The following SNTG1 variants were observed in gnomAD, a reference collection of about 807,000 sequenced individuals.
The protein encoded by SNTG1 is syntrophin gamma 1.
In SNTG1, 39 loss-of-function variants were observed where a neutral mutation model predicts 74.7. That is an observed-to-expected ratio of 0.52 (90% confidence interval 0.40 to 0.68). The LOEUF (loss-of-function observed/expected upper bound fraction) is 0.68. Ranked by LOEUF, SNTG1 falls within the 30% of genes least tolerant of loss-of-function variation. The pLI is 0.00. For missense variants in SNTG1, 685 were observed against 609.5 expected, an observed-to-expected ratio of 1.12 and a Z score of -1.30; for synonymous variants, 254 against 217.1, an observed-to-expected ratio of 1.17 and a Z score of -1.49.
chr8:50,264,906 A>G (rs2087385979), intron 2 of SNTG1, among the ~76,000 whole-genome samples: 1 of 152,066 alleles, frequency 6.6e-6, no homozygotes, highest in African/African-American at 2.4e-5. Flanking sequence ...ATTACCAGAA[A>G]GAAAAATATA....
chr8:50,665,776 A>G (rs2095247999), intron 15 of SNTG1, among the ~76,000 whole-genome samples: 1 of 152,194 alleles, frequency 6.6e-6, no homozygotes, highest in African/African-American at 2.4e-5. Flanking sequence ...ATGGATTATA[A>G]CTCAGCAAAT....
chr8:50,246,472 A>G (rs2086403785), intron 2 of SNTG1, among the ~76,000 whole-genome samples: 1 of 150,674 alleles, frequency 6.6e-6, no homozygotes, highest in Non-Finnish European at 1.5e-5. Context: ...ACTCTTCTTA[A>G]CATTACTAAG....
intron 1 of SNTG1, among the ~76,000 whole-genome samples, chr8:50,096,093 T>C (rs959810755): frequency 6.6e-6 from 1 of 152,182 alleles, no homozygotes; most frequent in Non-Finnish European, 1.5e-5. Context: ...ATTTTAAATC[T>C]TTATAATGAT....
intron 17 of SNTG1, among the ~76,000 whole-genome samples, chr8:50,724,550 A>T (rs1227310944): frequency 6.6e-6 from 1 of 152,182 alleles, no homozygotes; most frequent in Non-Finnish European, 1.5e-5. Context: ...TATACTAGGC[A>T]CACTAAAGAG....
chr8:50,474,909 G>T (rs182361143), intron 8 of SNTG1, among the ~76,000 whole-genome samples: 1 of 151,980 alleles, frequency 6.6e-6, no homozygotes, highest in South Asian at 2.1e-4. Flanking sequence ...AAAAAATGAT[G>T]AGTCCATGTC....
intron 2 of SNTG1, among the ~76,000 whole-genome samples, chr8:50,344,402 C>T (rs2091412408): frequency 6.6e-6 from 1 of 152,114 alleles, no homozygotes; most frequent in African/African-American, 2.4e-5. Flanking sequence ...TGCAAGGCTG[C>T]CCTGGGAGGC....
At chr8:49,984,173 A>C (rs1487558363) in intron 1 of SNTG1, among the ~76,000 whole-genome samples, 1 of 151,924 alleles carries the variant, frequency 6.6e-6, no homozygotes, top group Admixed American at 6.6e-5. Flanking sequence ...CTTGGATTGG[A>C]TAGGGTCAAA....
chr8:50,014,109 C>A (rs1049236892), intron 1 of SNTG1, among the ~76,000 whole-genome samples: 9 of 152,248 alleles, frequency 5.9e-5, no homozygotes, highest in East Asian at 1.9e-4. Flanking sequence ...CTATCCCCAT[C>A]CTTTCCACCA....
chr8:50,584,834 G>C (rs2094636811), intron 12 of SNTG1, among the ~76,000 whole-genome samples: 1 of 152,120 alleles, frequency 6.6e-6, no homozygotes, highest in Non-Finnish European at 1.5e-5. Context: ...CAAACATGAT[G>C]AAGTCCCCGC....
At chr8:50,502,073 C>G (rs938477798) in intron 8 of SNTG1, among the ~76,000 whole-genome samples, 1 of 151,856 alleles carries the variant, frequency 6.6e-6, no homozygotes, top group Non-Finnish European at 1.5e-5. Context: ...ATTATTTTAA[C>G]TGGAAGAACT....
intron 2 of SNTG1, among the ~76,000 whole-genome samples, chr8:50,330,759 A>C (rs981513138): frequency 1.3e-5 from 2 of 152,150 alleles, no homozygotes; most frequent in Non-Finnish European, 2.9e-5. Context: ...GGCACAGTAA[A>C]CTTCTTCACG....
rs574714039 is a variant in SNTG1, at chr8:50,525,134, G to A, written c.467-5043G>A. 2.0e-5 allele frequency among the ~76,000 whole-genome samples: 3 copies of A among 152,030 alleles called. No homozygotes were observed. The South Asian group carries it at 6.2e-4, about 32-fold the overall frequency. On this transcript the variant is annotated intron_variant, in intron 9 of 18. Coordinates refer to ENST00000642720, the MANE Select transcript of SNTG1 (RefSeq NM_018967.5). ...TTTCTCCCTCAAATTTATTGAACAG[G>A]TTTGCTGGGTATGGTATTCTAGATT... is the stretch of plus-strand genomic sequence containing the variant.
chr8:50,020,137 T>C (rs1225784099), intron 1 of SNTG1, among the ~76,000 whole-genome samples: 2 of 152,180 alleles, frequency 1.3e-5, no homozygotes, highest in African/African-American at 4.8e-5. Flanking sequence ...AATGGTTATT[T>C]CTTACTGAGC....
intron 1 of SNTG1, among the ~76,000 whole-genome samples, chr8:49,985,209 T>C (rs1813042971): frequency 6.6e-6 from 1 of 152,208 alleles, no homozygotes. Flanking sequence ...TCTCACTCTG[T>C]CGCCCAGGCT....
At chr8:50,280,894 C>T (rs535716560) in intron 2 of SNTG1, among the ~76,000 whole-genome samples, 9 of 150,588 alleles carry the variant, frequency 6.0e-5, no homozygotes, top group African/African-American at 2.0e-4. Context: ...TGGCTCACGC[C>T]TGTAATCCCA....
At chr8:50,214,082 A>C (rs1203898542) in intron 2 of SNTG1, among the ~76,000 whole-genome samples, 1 of 151,992 alleles carries the variant, frequency 6.6e-6, no homozygotes, top group Non-Finnish European at 1.5e-5. Context: ...GCAGCCATAA[A>C]AAATGATGAG....
chr8:50,178,404 C>T (rs575302962), intron 2 of SNTG1, among the ~76,000 whole-genome samples: 27 of 149,906 alleles, frequency 1.8e-4, no homozygotes, highest in Non-Finnish European at 2.5e-4. Flanking sequence ...CACACACGTG[C>T]GCGCGCACAC....
chr8:50,692,764 C>T (rs1255741937), intron 15 of SNTG1, among the ~76,000 whole-genome samples: 2 of 152,202 alleles, frequency 1.3e-5, no homozygotes, highest in Non-Finnish European at 2.9e-5. Flanking sequence ...AGAACAACTA[C>T]TCTCTTCAAA....
chr8:50,549,340 C>A (rs1585650240), intron 11 of SNTG1, among the ~76,000 whole-genome samples: 1 of 152,068 alleles, frequency 6.6e-6, no homozygotes, highest in African/African-American at 2.4e-5. Flanking sequence ...ACCCAAGGGG[C>A]CTCTTCTTAT....
Sources: gnomAD v4.1 joint callset for allele counts (sites outside exome capture counted in the v4.1 genomes callset) on GRCh38, gnomAD v4.1.1 for gene constraint, MANE v1.5 for transcripts, NCBI Gene and HGNC (gene_info 2026-07-23, HGNC 2026-07-21) for gene names.